The following PCDH11Y variants were observed in gnomAD, a reference collection of about 807,000 sequenced individuals.
PCDH11Y encodes protocadherin-11 Y-linked.
For missense variants in PCDH11Y, 12 were observed against 224.8 expected, an observed-to-expected ratio of 0.05 and a Z score of 6.05; for synonymous variants, 9 against 83.6, an observed-to-expected ratio of 0.11 and a Z score of 4.87.
intron 2 of PCDH11Y, among the ~76,000 whole-genome samples, chrY:5,190,268 A>G (rs2124648169): frequency 3.0e-5 from 1 of 33,510 alleles, no homozygotes; most frequent in Non-Finnish European, 7.4e-5. Context: ...CATTTTTACA[A>G]TTTATGAAAC....
intron 2 of PCDH11Y, among the ~76,000 whole-genome samples, chrY:5,384,019 A>G (rs1602916058): frequency 3.5e-3 from 118 of 33,878 alleles, no homozygotes; most frequent in African/African-American, 0.012. Context: ...AGTACATATT[A>G]CAAAAATATC....
chrY:5,549,771 A>T (rs2053416952), intron 3 of PCDH11Y, among the ~76,000 whole-genome samples: 1 of 33,670 alleles, frequency 3.0e-5, no homozygotes, highest in African/African-American at 1.2e-4. Flanking sequence ...ATGCAGTCAT[A>T]CAAATAATGA....
At chrY:5,319,393 A>G in intron 2 of PCDH11Y, among the ~76,000 whole-genome samples, 1 of 33,805 alleles carries the variant, frequency 3.0e-5, no homozygotes, top group African/African-American at 1.1e-4. Flanking sequence ...ATATTTTGAA[A>G]TAAGTAAAGT....
chrY:5,669,980 G>A (rs2053547745), intron 4 of PCDH11Y, among the ~76,000 whole-genome samples: 1 of 31,799 alleles, frequency 3.1e-5, no homozygotes, highest in Non-Finnish European at 7.7e-5. Flanking sequence ...CCCACCCTGG[G>A]TAATCATCCT....
At chrY:5,188,090 T>C in intron 2 of PCDH11Y, among the ~76,000 whole-genome samples, 6 of 33,605 alleles carry the variant, frequency 1.8e-4, no homozygotes, top group Non-Finnish European at 4.4e-4. Flanking sequence ...AAAAGTCACC[T>C]TTATTTTACT....
chrY:5,188,497 T>C, intron 2 of PCDH11Y, among the ~76,000 whole-genome samples: 1 of 31,835 alleles, frequency 3.1e-5, no homozygotes, highest in East Asian at 8.5e-4. Flanking sequence ...AACATGTCCT[T>C]CTTCACATGG....
At chrY:5,475,047 A>T in intron 2 of PCDH11Y, among the ~76,000 whole-genome samples, 1 of 32,797 alleles carries the variant, frequency 3.0e-5, no homozygotes, top group Non-Finnish European at 7.6e-5. Context: ...CTTACTTATT[A>T]GTTCTAACAG....
intron 2 of PCDH11Y, among the ~76,000 whole-genome samples, chrY:5,415,584 G>T: frequency 3.5e-5 from 1 of 28,556 alleles, no homozygotes; most frequent in South Asian, 8.9e-4. Flanking sequence ...GACAGGAGGC[G>T]CTCAGGGTGG....
chrY:5,400,061 C>T, intron 2 of PCDH11Y, among the ~76,000 whole-genome samples: 3 of 33,287 alleles, frequency 9.0e-5, no homozygotes, highest in Admixed American at 2.8e-4. Context: ...GGAAATCAGG[C>T]GGCTGACAGC....
chrY:5,601,397 G>A, intron 4 of PCDH11Y, among the ~76,000 whole-genome samples: 1 of 32,868 alleles, frequency 3.0e-5, no homozygotes, highest in African/African-American at 1.2e-4. Flanking sequence ...AAGCTCACTA[G>A]AATGTAAGCT....
At chrY:5,100,576 C>T in exon 2 of PCDH11Y, 2 of 392,454 alleles carry the variant, frequency 5.1e-6, no homozygotes, top group South Asian at 6.0e-5. Context: ...AGAACTGCCT[C>T]TCGATAACAC....
At chrY:5,595,352 G>C (rs1602948216) in intron 4 of PCDH11Y, among the ~76,000 whole-genome samples, 19 of 32,868 alleles carry the variant, frequency 5.8e-4, no homozygotes, top group African/African-American at 2.1e-3. Flanking sequence ...TCAATAGCAA[G>C]TATCACAAAT....
At chrY:5,312,306 G>A (rs2124664681) in intron 2 of PCDH11Y, among the ~76,000 whole-genome samples, 9 of 30,808 alleles carry the variant, frequency 2.9e-4, no homozygotes, top group African/African-American at 1.0e-3. Context: ...CATGATAATC[G>A]TTTTCAAATG....
chrY:5,588,472 T>C, intron 4 of PCDH11Y, among the ~76,000 whole-genome samples: 6 of 33,486 alleles, frequency 1.8e-4, no homozygotes, highest in African/African-American at 6.9e-4. Flanking sequence ...CATTCTATTC[T>C]TTTTAATTGA....
At chrY:5,696,305 A>C (rs1478357172) in intron 4 of PCDH11Y, among the ~76,000 whole-genome samples, 5 of 31,334 alleles carry the variant, frequency 1.6e-4, no homozygotes, top group Admixed American at 1.5e-3. Context: ...TTATTGGTCC[A>C]TTCAGAGATT....
chrY:5,535,326 T>C (rs2053398937), intron 3 of PCDH11Y, among the ~76,000 whole-genome samples: 1 of 30,807 alleles, frequency 3.2e-5, no homozygotes, highest in Non-Finnish European at 7.8e-5. Context: ...GAGATTTTGG[T>C]ACACACATCA....
intron 4 of PCDH11Y, among the ~76,000 whole-genome samples, chrY:5,732,804 G>A (rs371017184): frequency 3.0e-5 from 1 of 32,944 alleles, no homozygotes. Flanking sequence ...AGGTTTCTTC[G>A]CTTTACATCA....
intron 4 of PCDH11Y, among the ~76,000 whole-genome samples, chrY:5,729,315 CT>C (rs2053601322): frequency 6.1e-5 from 2 of 32,543 alleles, no homozygotes; most frequent in African/African-American, 2.4e-4. Flanking sequence ...AATAGCTATT[CT>C]GACTGGTGTG....
At chrY:5,105,271 A>G (rs2052788972), downstream of PCDH11Y, 1 of 221,503 alleles carries the variant, frequency 4.5e-6, no homozygotes, top group Admixed American at 2.8e-4. Flanking sequence ...GTGATAGAAA[A>G]TAATTTTACT....
Sources: gnomAD v4.1 joint callset for allele counts (sites outside exome capture counted in the v4.1 genomes callset) on GRCh38, gnomAD v4.1.1 for gene constraint, MANE v1.5 for transcripts, NCBI Gene and HGNC (gene_info 2026-07-23, HGNC 2026-07-21) for gene names.